The following SLC38A9 variants were observed in gnomAD, a reference collection of about 807,000 sequenced individuals.
SLC38A9 encodes neutral amino acid transporter 9.
A neutral mutation model predicts 62.3 loss-of-function variants in SLC38A9; 48 were observed. The ratio of observed to expected loss-of-function variants is 0.77; its 90% CI spans 0.61 to 0.98. The LOEUF is 0.98. Ranked by LOEUF, SLC38A9 falls within the 50% of genes least tolerant of loss-of-function variation. SLC38A9 has a pLI of 0.00. For synonymous variants in SLC38A9, 204 were observed against 227.7 expected (o/e 0.90, Z 0.94); for missense variants, 541 against 679.8 (o/e 0.80, Z 2.27).
At chr5:55,660,831 G>A (rs910258101) in intron 8 of SLC38A9, among the ~76,000 whole-genome samples, 1 of 151,962 alleles carries the variant, frequency 6.6e-6, no homozygotes, top group African/African-American at 2.4e-5. Flanking sequence ...TATCTAAAAG[G>A]CTCCTTGAAG....
At chr5:55,654,145 AAG>A (rs1748006881) in intron 9 of SLC38A9, among the ~76,000 whole-genome samples, 1 of 152,222 alleles carries the variant, frequency 6.6e-6, no homozygotes, top group Non-Finnish European at 1.5e-5. Context: ...TCATTTGTCA[AAG>A]AGAAAGAATA....
Position 55,669,638 on chromosome 5 carries a change from T to C in SLC38A9, c.369-18A>G. 2 of 1,601,944 alleles carry C rather than the reference T, an allele frequency of 1.2e-6. No individual in the cohort carries two copies. Among genetic ancestry groups the C allele is most frequent in the African/African-American group, 1.3e-5 (1 of 74,466 alleles). On this transcript the variant is annotated intron_variant, in intron 5 of 15. Transcript: ENST00000396865. ...TCATAAAACTGAAAACACAGAGTAA[T>C]AGCAGTAAAAAAATGGAGTTTCACT...
At chr5:55,674,614 C>T (rs903919346) in intron 3 of SLC38A9, among the ~76,000 whole-genome samples, 1 of 152,178 alleles carries the variant, frequency 6.6e-6, no homozygotes, top group Non-Finnish European at 1.5e-5. Context: ...GTCTCCACAA[C>T]TATAAGAAAT....
intron 3 of SLC38A9, among the ~76,000 whole-genome samples, chr5:55,687,258 T>C (rs1419743822): frequency 1.3e-5 from 2 of 150,470 alleles, no homozygotes; most frequent in African/African-American, 4.9e-5. Context: ...AAACCCCGTC[T>C]CTACTAAAAA....
At chr5:55,633,470 T>C (rs1398932851) in intron 14 of SLC38A9, 4 of 300,078 alleles carry the variant, frequency 1.3e-5, no homozygotes, top group Non-Finnish European at 1.2e-5. Flanking sequence ...ACTATAAACT[T>C]CTTGACAATA....
intron 4 of SLC38A9, among the ~76,000 whole-genome samples, chr5:55,670,715 C>T (rs1751171127): frequency 1.3e-5 from 2 of 152,144 alleles, no homozygotes; most frequent in Non-Finnish European, 2.9e-5. Context: ...TATAAACTTG[C>T]TCATCTGGGA....
At chr5:55,709,456 C>A (rs564103735) in intron 2 of SLC38A9, among the ~76,000 whole-genome samples, 19 of 151,876 alleles carry the variant, frequency 1.3e-4, no homozygotes, top group African/African-American at 4.6e-4. Flanking sequence ...GTGGCTCATG[C>A]CTGTAATCCC....
chr5:55,677,532 GTCTT>G (rs1752276055), intron 3 of SLC38A9, among the ~76,000 whole-genome samples: 1 of 151,896 alleles, frequency 6.6e-6, no homozygotes, highest in African/African-American at 2.4e-5. Flanking sequence ...TGAATTGTAG[GTCTT>G]TTTTTGTTTG....
At chr5:55,652,879 G>A (rs1297742569) in intron 9 of SLC38A9, among the ~76,000 whole-genome samples, 156 bp from the exon 10 acceptor site, 2 of 151,998 alleles carry the variant, frequency 1.3e-5, no homozygotes, top group African/African-American at 4.8e-5. Flanking sequence ...AAAAATAGAG[G>A]GTTAATTTTA....
In SLC38A9 at chr5:55,672,642, C is replaced by G. The variant is rs1449501731; in HGVS notation, c.167G>C (p.Arg56Thr). ...NIVNVNHVIQ[R>T]VSDHASAMNK... ...CATGGCAGAGGCATGGTCACTAACC[C>G]TCTGAATGACATGATTCACATTCAC... Residue 56 changes from arginine (R) to threonine (T), a missense_variant, in exon 4 of 16, where the codon AGG becomes ACG. By Grantham distance (71) the Arg-to-Thr change is moderately conservative. Transcript: ENST00000396865. The G allele has an allele frequency of 5.0e-6, 8 of 1,614,090 alleles. No individual in the cohort carries two copies. The highest frequency in any genetic ancestry group is 6.8e-6 in the Non-Finnish European group (8 of 1,180,008).
chr5:55,633,094 C>T (rs372181155), intron 14 of SLC38A9, among the ~76,000 whole-genome samples: 1 of 152,162 alleles, frequency 6.6e-6, no homozygotes, highest in South Asian at 2.1e-4. Flanking sequence ...CTCGATCTCC[C>T]GGGCTCAAAC....
At chr5:55,661,438 C>A (rs1489067836) in intron 8 of SLC38A9, among the ~76,000 whole-genome samples, 1 of 90,734 alleles carries the variant, frequency 1.1e-5, no homozygotes, top group Non-Finnish European at 2.0e-5. Context: ...GAGCAAGACT[C>A]CGTCTCAAAA....
At position 55,695,152 on chromosome 5, in the gene SLC38A9, T is replaced by TAA. The variant is rs1554067725; in HGVS notation, c.113+2692_113+2693dup. On this transcript the variant is annotated intron_variant, in intron 3 of 15. Coordinates refer to ENST00000396865, the MANE Select transcript of SLC38A9 (RefSeq NM_173514.4). ...AGTTTTTCTTAGTGTTAAATTTTTT[T>TAA]AATATGCAATTTATAATCAGTAGCA... 1.6e-3 allele frequency among the ~76,000 whole-genome samples: 237 copies of TAA among 151,542 alleles called. 1 individual carries two copies. The highest frequency in any genetic ancestry group is 5.1e-3 in the African/African-American group (210 of 41,318).
rs143266029 is a variant in SLC38A9 at position 55,678,462 on chromosome 5, A to G, written c.114-5767T>C. Reference sequence around the variant, plus strand: ...AATTACTGGTTGTTTCTAAATTAACAGTATTAAATCAATGAAAACACTAGT... The same window carrying G: ...AATTACTGGTTGTTTCTAAATTAACGGTATTAAATCAATGAAAACACTAGT... On this transcript the variant is annotated intron_variant, in intron 3 of 15. Coordinates refer to ENST00000396865, the MANE Select transcript of SLC38A9 (RefSeq NM_173514.4). 1.2e-4 allele frequency among the ~76,000 whole-genome samples: 19 copies of G among 152,190 alleles called. 1 individual carries two copies. The East Asian group carries it at 3.1e-3, about 25-fold the overall frequency.
Position 55,649,267 on chromosome 5 carries a change from C to A in SLC38A9, c.1000G>T (p.Val334Phe), listed in dbSNP as rs998426509. ...YLIFLVTFKA[V>F]RLGFHLEFHW... ...AATTCCAAATGAAATCCCAAGCGAA[C>A]AGCCTTAAAGGTGACAAGGAAAATC... The change falls in exon 11 of 16, where the codon GTT (valine) becomes TTT (phenylalanine). Residue 334 changes from valine to phenylalanine, a missense_variant. Coordinates refer to ENST00000396865, the MANE Select transcript of SLC38A9 (RefSeq NM_173514.4). 6.2e-7 allele frequency: 1 copy of A among 1,608,992 alleles called. No individual in the cohort carries two copies. The highest frequency in any genetic ancestry group is 1.3e-5 in the African/African-American group (1 of 74,702).
intron 3 of SLC38A9, among the ~76,000 whole-genome samples, chr5:55,674,020 A>C (rs564380490): frequency 6.6e-6 from 1 of 152,350 alleles, no homozygotes; most frequent in East Asian, 1.9e-4. Context: ...CCGTTAATCT[A>C]ATCTTGTGGG....
intron 3 of SLC38A9, among the ~76,000 whole-genome samples, chr5:55,676,272 C>T (rs1752064865): frequency 6.6e-6 from 1 of 152,176 alleles, no homozygotes; most frequent in Admixed American, 6.5e-5. Flanking sequence ...TGGGCTCAAG[C>T]AACTTTCCTG....
intron 3 of SLC38A9, among the ~76,000 whole-genome samples, chr5:55,689,881 T>G (rs564334771): frequency 6.6e-6 from 1 of 152,152 alleles, no homozygotes; most frequent in African/African-American, 2.4e-5. Flanking sequence ...ATAATAATAA[T>G]GAGACAGGAA....
At chr5:55,688,171 G>C (rs535737603) in intron 3 of SLC38A9, among the ~76,000 whole-genome samples, 1 of 152,226 alleles carries the variant, frequency 6.6e-6, no homozygotes, top group African/African-American at 2.4e-5. Flanking sequence ...AGACGATACA[G>C]TTTTTTAGAT....
Sources: gnomAD v4.1 joint callset for allele counts (sites outside exome capture counted in the v4.1 genomes callset) on GRCh38, gnomAD v4.1.1 for gene constraint, MANE v1.5 for transcripts, NCBI Gene and HGNC (gene_info 2026-07-23, HGNC 2026-07-21) for gene names.